Variants in ALOX12 observed in about 807,000 individuals in gnomAD.
ALOX12 encodes the protein polyunsaturated fatty acid lipoxygenase ALOX12.
Under a neutral mutation model 85.5 loss-of-function variants are expected in ALOX12, and 62 were observed. The ratio of observed to expected loss-of-function variants is 0.73; its 90% CI spans 0.59 to 0.90. The LOEUF is 0.90. ALOX12 is among the 40% of genes least tolerant of loss of function. The probability of loss-of-function intolerance (pLI) is 0.00; values close to 1 mark genes in which losing one functional copy is unlikely to be tolerated. For synonymous variants in ALOX12, 299 were observed against 332.7 expected (o/e 0.90, Z 1.10); for missense variants, 751 against 856.5 (o/e 0.88, Z 1.54).
chr17:7,001,642 T>G lies in ALOX12; in HGVS notation c.992T>G (p.Phe331Cys). 6.2e-7 allele frequency: 1 copy of G among 1,614,144 alleles called. No individual in the cohort carries two copies. The highest frequency in any genetic ancestry group is 8.5e-7 in the Non-Finnish European group (1 of 1,180,018). ...PNPSSPTPTL[F>C]LPSDPPLAWL... Reference sequence around the variant, plus strand: ...CCCAGCTCTCCAACCCCAACACTGTTCCTGCCCTCAGACCCCCCACTTGCC... The same window carrying G: ...CCCAGCTCTCCAACCCCAACACTGTGCCTGCCCTCAGACCCCCCACTTGCC... The change falls in exon 8 of 14, where the codon TTC becomes TGC. Residue 331 changes from phenylalanine (F) to cysteine (C), a missense_variant. Physicochemically the swap from Phe to Cys is radical, Grantham distance 205. Transcript: ENST00000251535.
chr17:7,003,519 T>C lies in ALOX12; in HGVS notation c.1161+1708T>C, dbSNP rs931508708. On this transcript the variant is annotated intron_variant, in intron 8 of 13. Transcript: ENST00000251535. ...ATAACTCACTGCAGCTTCAAACTCCTGGGCTGAAGCGATCCTCTAACCTCA... is the reference window on the plus strand; with the variant it reads ...ATAACTCACTGCAGCTTCAAACTCCCGGGCTGAAGCGATCCTCTAACCTCA... 4.6e-5 allele frequency among the ~76,000 whole-genome samples: 7 copies of C among 152,200 alleles called. No individual in the cohort carries two copies. The South Asian group carries it at 8.3e-4, about 18-fold the overall frequency.
chr17:6,998,411 GA>G, intron 2 of ALOX12, 97 bp from the exon 3 acceptor site: 1 of 804,656 alleles, frequency 1.2e-6, no homozygotes, highest in Non-Finnish European at 2.1e-6. Flanking sequence ...GTGCATGGCT[GA>G]AAACATGGAA....
intron 2 of ALOX12, 41 bp from the exon 3 acceptor site, chr17:6,998,468 C>A: frequency 7.3e-7 from 1 of 1,377,726 alleles, no homozygotes; most frequent in Non-Finnish European, 1.0e-6. Context: ...GGCATAGGAC[C>A]AGACAGAGCC....
chr17:7,000,257 T>A lies in ALOX12; in HGVS notation c.808-79T>A. The A allele has an allele frequency of 6.6e-7, 1 of 1,525,710 alleles. No individual in the cohort carries two copies. The highest frequency in any genetic ancestry group is 1.4e-5 in the African/African-American group (1 of 73,124). 94.5% of individuals were successfully genotyped at this position (1,525,710 alleles called of 1,614,324 possible). Reference sequence around the variant, plus strand: ...GCAGGAGAATGGCAAGAAGCTAGACTAAATCTCTTGCCCTTTGCCCCGGCC... The same window carrying A: ...GCAGGAGAATGGCAAGAAGCTAGACAAAATCTCTTGCCCTTTGCCCCGGCC... On this transcript the variant is annotated intron_variant, in intron 6 of 13. Transcript: ENST00000251535. This position sits in a 1 kb window ranked among gnomAD's most constrained non-coding sequence, Gnocchi z 4.6.
At chr17:7,009,695 G>T in intron 11 of ALOX12, 52 bp from the exon 12 acceptor site, 1 of 1,478,902 alleles carries the variant, frequency 6.8e-7, no homozygotes, top group South Asian at 1.1e-5. Flanking sequence ...AACAGCCTTT[G>T]TTCCTCTCCT....
At position 7,001,769 on chromosome 17, in the gene ALOX12, C is replaced by T. The variant is rs767486999; in HGVS notation, c.1119C>T (p.Val373=). Reference sequence around the variant, plus strand: ...ACCTGGTGGCTGAGGTCATCGCTGTCGCCACCATGCGGTGCCTCCCAGGAC... The same window carrying T: ...ACCTGGTGGCTGAGGTCATCGCTGTTGCCACCATGCGGTGCCTCCCAGGAC... ...NTHLVAEVIA[V]ATMRCLPGLH... Residue 373 remains valine, a synonymous_variant, in exon 8 of 14, where the codon GTC becomes GTT. Coordinates refer to ENST00000251535, the MANE Select transcript of ALOX12 (RefSeq NM_000697.3). 2.5e-6 allele frequency: 4 copies of T among 1,614,018 alleles called. No individual in the cohort carries two copies. Among genetic ancestry groups the T allele is most frequent in the East Asian group, 2.2e-5 (1 of 44,866 alleles).
chr17:6,997,220 G>A, intron 2 of ALOX12, 193 bp downstream of exon 2: 1 of 862,098 alleles, frequency 1.2e-6, no homozygotes, highest in Non-Finnish European at 1.4e-6. Context: ...CACAGGCTAA[G>A]AGAGGCTGCG....
At chr17:7,009,538 G>GA (rs1909279056) in intron 11 of ALOX12, 1 of 543,490 alleles carries the variant, frequency 1.8e-6, no homozygotes, top group East Asian at 3.0e-5. Context: ...TTTTACAGGT[G>GA]AAAAAAACTG....
rs1908462768 is a variant in ALOX12 at position 6,996,831 on chromosome 17, G to A, written c.141G>A (p.Glu47=). Residue 47 remains glutamate, a synonymous_variant, in exon 2 of 14, where the codon GAG becomes GAA. Transcript: ENST00000251535. ...CCTGGGTCCGGCCTGCACAGGAGGA[G>A]GAGTTTGATCATGACGTTGCAGAGG... ...LQLRPARGEE[E]EFDHDVAEDL... The A allele has an allele frequency of 6.2e-7, 1 of 1,612,442 alleles. No homozygotes were observed. Among genetic ancestry groups the A allele is most frequent in the Non-Finnish European group, 8.5e-7 (1 of 1,178,690 alleles).
intron 2 of ALOX12, among the ~76,000 whole-genome samples, chr17:6,997,850 A>G (rs752289615): frequency 1.3e-5 from 2 of 151,986 alleles, no homozygotes; most frequent in African/African-American, 4.8e-5. Context: ...TTGAGCCACC[A>G]CGCCCGGCCC....
Position 6,997,005 on chromosome 17 carries a change from C to T in ALOX12, c.315C>T (p.Ile105=). 1 of 1,549,036 alleles carries T rather than the reference C, an allele frequency of 6.5e-7. No homozygotes were observed. Among genetic ancestry groups the T allele is most frequent in the Non-Finnish European group, 8.7e-7 (1 of 1,145,134 alleles). Residue 105 remains isoleucine (I), a synonymous_variant, in exon 2 of 14, where the codon ATC becomes ATT. Coordinates refer to ENST00000251535, the MANE Select transcript of ALOX12 (RefSeq NM_000697.3). ...PCYRWVQGED[I]LSLPEGTARL... ...ACCGCTGGGTGCAGGGCGAGGACAT[C>T]CTGAGCCTGCCCGAGGGCACCGGTG...
At position 7,010,571 on chromosome 17, in the gene ALOX12, AG is replaced by A; in HGVS notation, c.*152del. ...CCCTACATTAGTATCCCACTAGCCC[AG>A]GGGAGCAGTAAACTTTCTCTGCAAA... is the stretch of plus-strand genomic sequence containing the variant. On this transcript the variant is annotated 3_prime_UTR_variant, in exon 14 of 14. Coordinates refer to ENST00000251535, the MANE Select transcript of ALOX12 (RefSeq NM_000697.3). The A allele has an allele frequency of 1.0e-6, 1 of 966,626 alleles. No homozygotes were observed. Among genetic ancestry groups the A allele is most frequent in the Non-Finnish European group, 1.5e-6 (1 of 679,230 alleles). 59.9% of individuals were successfully genotyped at this position (966,626 alleles called of 1,614,324 possible).
intron 8 of ALOX12, chr17:7,002,759 CA>C: frequency 4.6e-6 from 1 of 218,726 alleles, no homozygotes; most frequent in Non-Finnish European, 8.7e-6. Context: ...ACTTTATATA[CA>C]GGGAACTTGG....
chr17:6,999,305 G>C lies in ALOX12; in HGVS notation c.647-1G>C, dbSNP rs1355694477. On this transcript the variant is annotated splice_acceptor_variant, in intron 5 of 13. Coordinates refer to ENST00000251535, the MANE Select transcript of ALOX12 (RefSeq NM_000697.3). LOFTEE classifies it high-confidence loss of function. ...TATCCTCCTTTCACCGCCCACCAAA[G>C]AGAAGGTTCGCCAGTGCTGGCAGGA... 1.2e-6 allele frequency: 2 copies of C among 1,614,200 alleles called. No homozygotes were observed. The highest frequency in any genetic ancestry group is 4.5e-5 in the East Asian group (2 of 44,886).
At position 7,001,226 on chromosome 17, in the gene ALOX12, C is replaced by T. The variant is rs902312632; in HGVS notation, c.952-376C>T. The T allele has an allele frequency of 3.9e-5, 8 of 206,898 alleles. No individual in the cohort carries two copies. In the South Asian group the frequency reaches 3.9e-4, roughly 10 times the overall value. 12.8% of individuals were successfully genotyped at this position (206,898 alleles called of 1,614,324 possible). On this transcript the variant is annotated intron_variant, in intron 7 of 13. Transcript: ENST00000251535. Reference sequence around the variant, plus strand: ...TCGGCCTCCCAAAGTGCTGGGATTACAGGTGTGAGCCACTGCACCTGGCCT... The same window carrying T: ...TCGGCCTCCCAAAGTGCTGGGATTATAGGTGTGAGCCACTGCACCTGGCCT...
At chr17:6,999,730 A>C (rs545836293) in intron 6 of ALOX12, 51 of 460,846 alleles carry the variant, frequency 1.1e-4, no homozygotes, top group Admixed American at 2.6e-4. Flanking sequence ...GCCTGGCCGC[A>C]GTGTTCTGGA....
In ALOX12 at chr17:6,998,901, G is replaced by A. The variant is rs192547889; in HGVS notation, c.543-52G>A. Reference sequence around the variant, plus strand: ...GGGAGGGCCAAGAATGATGATAGACGGTGAGGGACTGAGGGATCAGCTGAT... The same window carrying A: ...GGGAGGGCCAAGAATGATGATAGACAGTGAGGGACTGAGGGATCAGCTGAT... On this transcript the variant is annotated intron_variant, in intron 4 of 13. Transcript: ENST00000251535. The A allele has an allele frequency of 3.2e-4, 509 of 1,614,004 alleles. 2 individuals are homozygous for A. The African/African-American group carries it at 5.4e-3, about 17-fold the overall frequency.
intron 11 of ALOX12, among the ~76,000 whole-genome samples, chr17:7,008,755 A>G (rs1909219995): frequency 6.6e-6 from 1 of 151,992 alleles, no homozygotes; most frequent in Non-Finnish European, 1.5e-5. Flanking sequence ...CAAAAAAAAA[A>G]AAAAGATTAT....
intron 8 of ALOX12, among the ~76,000 whole-genome samples, chr17:7,004,314 AT>A (rs1365361051): frequency 7.1e-3 from 40 of 5,602 alleles, no homozygotes; most frequent in East Asian, 0.036. Context: ...AATATTTTTA[AT>A]TTTAATATTA....
Sources: allele counts gnomAD v4.1 joint callset (sites outside exome capture counted in the v4.1 genomes callset), GRCh38; gene constraint gnomAD v4.1.1; non-coding constraint Gnocchi (gnomAD v3.1); transcripts MANE v1.5; gene names NCBI Gene and HGNC (gene_info 2026-07-23, HGNC 2026-07-21).